Variants in GRIN2A observed in about 807,000 individuals in gnomAD.
The protein encoded by GRIN2A is glutamate ionotropic receptor NMDA type subunit 2A.
A neutral mutation model predicts 113.4 loss-of-function variants in GRIN2A; 22 were observed. That is an observed-to-expected ratio of 0.19 (90% CI 0.14 to 0.28). GRIN2A has a LOEUF of 0.28. Ranked by LOEUF, GRIN2A falls within the 10% of genes least tolerant of loss-of-function variation. GRIN2A has a pLI of 1.00. For synonymous variants in GRIN2A, 827 were observed against 738.4 expected (o/e 1.12, Z -1.94); for missense variants, 1,502 against 1,887.0 (o/e 0.80, Z 3.78).
At chr16:10,179,147 C>G (rs1215687554) in intron 2 of GRIN2A, among the ~76,000 whole-genome samples, 8 of 152,154 alleles carry the variant, frequency 5.3e-5, no homozygotes, top group Non-Finnish European at 8.8e-5. Flanking sequence ...CCCAGGCTGT[C>G]CACAAAAAAG....
chr16:9,875,707 T>C (rs991751369), intron 4 of GRIN2A, among the ~76,000 whole-genome samples: 6 of 152,188 alleles, frequency 3.9e-5, no homozygotes, highest in Non-Finnish European at 8.8e-5. Context: ...TCAGATGCAA[T>C]GTGAAATAAA....
intron 2 of GRIN2A, among the ~76,000 whole-genome samples, chr16:9,959,280 A>G (rs945648006): frequency 6.6e-6 from 1 of 152,014 alleles, no homozygotes; most frequent in African/African-American, 2.4e-5. Flanking sequence ...AAAAAGCCTC[A>G]CTCATTTTCC....
intron 2 of GRIN2A, among the ~76,000 whole-genome samples, chr16:9,970,320 A>G (rs1462327940): frequency 6.6e-6 from 1 of 152,208 alleles, no homozygotes; most frequent in African/African-American, 2.4e-5. Context: ...GAGCTTGGAG[A>G]TTATTTCTTC....
intron 2 of GRIN2A, among the ~76,000 whole-genome samples, chr16:10,007,922 A>G (rs1439163754): frequency 1.3e-5 from 2 of 152,206 alleles, no homozygotes; most frequent in South Asian, 2.1e-4. Flanking sequence ...TCTTTAAAAA[A>G]GCTTACTCTG....
intron 3 of GRIN2A, among the ~76,000 whole-genome samples, chr16:9,904,359 T>C (rs2043988911): frequency 6.6e-6 from 1 of 151,992 alleles, no homozygotes; most frequent in Non-Finnish European, 1.5e-5. Context: ...CTCCTCCTCT[T>C]TTTCTTTTTC....
chr16:9,913,746 G>T (rs1380331774), intron 3 of GRIN2A, among the ~76,000 whole-genome samples: 1 of 152,134 alleles, frequency 6.6e-6, no homozygotes, highest in Non-Finnish European at 1.5e-5. Flanking sequence ...AGAGCTATTT[G>T]ATGTTCTAGG....
intron 2 of GRIN2A, among the ~76,000 whole-genome samples, chr16:10,093,367 TGCTTCTCATCAG>T (rs1327532457): frequency 1.1e-4 from 17 of 152,324 alleles, no homozygotes; most frequent in Admixed American, 9.8e-4. Context: ...GTGTGTGTCC[TGCTTCTCATCAG>T]GCCTCCCCAT....
intron 2 of GRIN2A, among the ~76,000 whole-genome samples, chr16:10,122,601 A>C (rs2142186700): frequency 6.6e-6 from 1 of 152,050 alleles, no homozygotes; most frequent in Admixed American, 6.5e-5. Flanking sequence ...TTTGTCCCCC[A>C]CCCCCCCAAA....
At chr16:10,039,763 A>C (rs1327119947) in intron 2 of GRIN2A, among the ~76,000 whole-genome samples, 2 of 60,240 alleles carry the variant, frequency 3.3e-5, no homozygotes, top group Non-Finnish European at 6.3e-5. Context: ...CAAATGTGCA[A>C]GGGAGGGAGA....
intron 2 of GRIN2A, among the ~76,000 whole-genome samples, chr16:10,126,440 T>C (rs1033068488): frequency 2.6e-5 from 4 of 152,112 alleles, no homozygotes; most frequent in Admixed American, 6.5e-5. Context: ...GCACTAGAAA[T>C]AGAGGCAAGA....
chr16:9,843,673 C>G (rs1393146455), intron 5 of GRIN2A, among the ~76,000 whole-genome samples: 1 of 152,174 alleles, frequency 6.6e-6, no homozygotes, highest in Admixed American at 6.5e-5. Context: ...CAACCCAGAC[C>G]ACCATAGAGA....
At position 9,879,810 on chromosome 16, in the gene GRIN2A, T is replaced by C. The variant is rs548804810; in HGVS notation, c.1122+11176A>G. ...CTGATATGAGGATTAAATGTATGCT[T>C]AAAACCTAATAAATGTTAAACAAAT... On this transcript the variant is annotated intron_variant, in intron 4 of 12. Coordinates refer to ENST00000330684, the MANE Select transcript of GRIN2A (RefSeq NM_001134407.3). 2.8e-4 allele frequency among the ~76,000 whole-genome samples: 43 copies of C among 152,330 alleles called. No homozygotes were observed. In the South Asian group the frequency reaches 8.9e-3, roughly 32 times the overall value.
At chr16:9,828,959 A>C (rs566147966) in intron 9 of GRIN2A, among the ~76,000 whole-genome samples, 17 of 152,314 alleles carry the variant, frequency 1.1e-4, no homozygotes, top group African/African-American at 3.4e-4. Flanking sequence ...AGGAGCTGTC[A>C]GATAATTTTG....
intron 3 of GRIN2A, among the ~76,000 whole-genome samples, chr16:9,919,148 G>C (rs1567175617): frequency 6.6e-6 from 1 of 152,136 alleles, no homozygotes; most frequent in Non-Finnish European, 1.5e-5. Context: ...ACTCCAGCCT[G>C]AGTGACACAG....
At chr16:10,044,022 T>TATATATAG (rs531659457) in intron 2 of GRIN2A, among the ~76,000 whole-genome samples, 2,367 of 107,294 alleles carry the variant, frequency 0.022, 25 homozygotes, top group East Asian at 0.052. Flanking sequence ...TATATATATA[T>TATATATAG]AGAGAGAGAG....
chr16:10,136,679 G>C (rs993704722), intron 2 of GRIN2A, among the ~76,000 whole-genome samples: 2 of 152,140 alleles, frequency 1.3e-5, no homozygotes, highest in Admixed American at 1.3e-4. Flanking sequence ...GAAATGTCTT[G>C]AAAGAATAAG....
At chr16:9,991,238 A>T (rs1247360121) in intron 2 of GRIN2A, among the ~76,000 whole-genome samples, 2 of 152,210 alleles carry the variant, frequency 1.3e-5, no homozygotes, top group Non-Finnish European at 2.9e-5. Flanking sequence ...AGGTAGTATT[A>T]TTAACTCCAT....
chr16:10,120,271 G>A (rs978772105), intron 2 of GRIN2A, among the ~76,000 whole-genome samples: 2 of 152,114 alleles, frequency 1.3e-5, no homozygotes, highest in African/African-American at 4.8e-5. Context: ...ACTGCTACCT[G>A]CATTTAGTGG....
In GRIN2A at chr16:9,760,630, G is replaced by C. The variant is rs772922876; in HGVS notation, c.*2519C>G. 1 of 223,200 alleles carries C rather than the reference G, an allele frequency of 4.5e-6. No homozygotes were observed. The highest frequency in any genetic ancestry group is 8.9e-6 in the Non-Finnish European group (1 of 111,944). The allele number at this position is 223,200 out of a possible 1,614,324, so 13.8% of individuals were successfully genotyped here. A position where few individuals can be genotyped will look rare whatever the true frequency, so the allele number is the denominator to read the frequency against. On this transcript the variant is annotated 3_prime_UTR_variant, in exon 13 of 13. Transcript: ENST00000330684. ...GAAATAATGCTGCTGTTAGGGGAAG[G>C]CTTTCTGACCGATGAAGTCAGTCCA...
Sources: allele counts gnomAD v4.1 joint callset (sites outside exome capture counted in the v4.1 genomes callset), GRCh38; gene constraint gnomAD v4.1.1; transcripts MANE v1.5; gene names NCBI Gene and HGNC (gene_info 2026-07-23, HGNC 2026-07-21).